Variants in THOC2 observed in about 807,000 individuals in gnomAD.
THOC2 encodes THO complex subunit 2, also known as THO complex 2.
A neutral mutation model predicts 128.4 loss-of-function variants in THOC2; 10 were observed. The ratio of observed to expected loss-of-function variants is 0.08; its 90% CI spans 0.05 to 0.13. The LOEUF is 0.13. THOC2 is among the 10% of genes least tolerant of loss of function. The pLI is 1.00. For synonymous variants in THOC2, 393 were observed against 396.9 expected (o/e 0.99, Z 0.12); for missense variants, 535 against 1,155.7 (o/e 0.46, Z 7.79).
chrX:123,672,655 T>C (rs1315172021), intron 8 of THOC2, among the ~76,000 whole-genome samples: 1 of 111,955 alleles, frequency 8.9e-6, no homozygotes, highest in Non-Finnish European at 1.9e-5. Flanking sequence ...TAAATCGATG[T>C]TTTAAAGTAC....
At chrX:123,617,920 A>G (rs1186316094) in intron 33 of THOC2, among the ~76,000 whole-genome samples, 1 of 112,026 alleles carries the variant, frequency 8.9e-6, no homozygotes, top group African/African-American at 3.2e-5. Context: ...GTTAGCCAAT[A>G]AAAAGTTTAC....
intron 1 of THOC2, among the ~76,000 whole-genome samples, chrX:123,728,724 GAAC>G (rs2052103959): frequency 9.0e-6 from 1 of 111,670 alleles, no homozygotes; most frequent in East Asian, 2.8e-4. Context: ...AGAAGAAAAA[GAAC>G]AACAATCAAA....
intron 38 of THOC2, among the ~76,000 whole-genome samples, chrX:123,605,676 T>G (rs1482504612): frequency 9.0e-6 from 1 of 111,647 alleles, no homozygotes; most frequent in African/African-American, 3.3e-5. Context: ...AATGTGAACA[T>G]TGATGAGTTC....
chrX:123,606,314 G>A lies in THOC2; in HGVS notation c.*18+4604C>T, dbSNP rs192000283. On this transcript the variant is annotated intron_variant, in intron 38 of 38. Coordinates refer to ENST00000245838, the MANE Select transcript of THOC2 (RefSeq NM_001081550.2). ...AGAAAGAAAGAAAGAAAGACAGGCCGGGCGTGGTGGCTCACACCTGTAATC... is the reference window on the plus strand; with the variant it reads ...AGAAAGAAAGAAAGAAAGACAGGCCAGGCGTGGTGGCTCACACCTGTAATC... 5.7e-3 allele frequency among the ~76,000 whole-genome samples: 624 copies of A among 109,145 alleles called. 4 individuals are homozygous for A. Among genetic ancestry groups the A allele is most frequent in the Middle Eastern group, 0.019 (4 of 209 alleles). The allele number at this position is 109,145 out of a possible 115,157, so 94.8% of individuals were successfully genotyped here.
chrX:123,619,575 T>G, intron 32 of THOC2, 139 bp from the exon 33 acceptor site: 1 of 588,913 alleles, frequency 1.7e-6, no homozygotes, highest in African/African-American at 2.3e-5. Context: ...ATTATCAATA[T>G]GAATATCAAC....
chrX:123,603,613 C>T, intron 38 of THOC2: 1 of 622,444 alleles, frequency 1.6e-6, no homozygotes. Context: ...TACTCATCTT[C>T]TGACTTAAAG....
chrX:123,705,235 T>C (rs965954509), intron 3 of THOC2, among the ~76,000 whole-genome samples: 1 of 111,690 alleles, frequency 9.0e-6, no homozygotes, highest in African/African-American at 3.2e-5. Flanking sequence ...AAGAAGAAGC[T>C]ATGTAAGAAC....
Position 123,614,059 on chromosome X carries a change from C to T in THOC2, c.4442G>A (p.Arg1481Gln). 8.3e-7 allele frequency: 1 copy of T among 1,200,130 alleles called. No homozygotes were observed. The highest frequency in any genetic ancestry group is 1.1e-6 in the Non-Finnish European group (1 of 892,292). Residue 1481 changes from arginine (R) to glutamine (Q), a missense_variant, in exon 34 of 39, where the codon CGG (arginine) becomes CAG (glutamine). Transcript: ENST00000245838. The stretch of plus-strand genomic sequence containing the variant: ...AAAAAAAATTTTACAAACCCTTTTC[C>T]GCTCTTTCCTGTCCTTTTCATCTTT... The part of the protein sequence containing the change: ...EKKDEKDRKE[R>Q]KRDHSNNDRE...
chrX:123,675,250 A>C (rs2049438471), intron 8 of THOC2, among the ~76,000 whole-genome samples: 1 of 111,182 alleles, frequency 9.0e-6, no homozygotes, highest in Admixed American at 9.6e-5. Context: ...CCTTTTCATA[A>C]TTTTTATCTC....
intron 7 of THOC2, among the ~76,000 whole-genome samples, chrX:123,690,482 T>C (rs1277670046): frequency 1.8e-5 from 2 of 111,749 alleles, no homozygotes; most frequent in Admixed American, 9.5e-5. Flanking sequence ...TTTGAAGAAA[T>C]GCAGGAAAAA....
chrX:123,726,647 G>C (rs1197187483), intron 1 of THOC2, among the ~76,000 whole-genome samples: 1 of 112,178 alleles, frequency 8.9e-6, no homozygotes, highest in African/African-American at 3.2e-5. Context: ...GGAAGAGGTT[G>C]CATCAGTGTT....
At chrX:123,661,265 C>T (rs1342925866) in intron 12 of THOC2, among the ~76,000 whole-genome samples, 1 of 110,948 alleles carries the variant, frequency 9.0e-6, no homozygotes, top group Non-Finnish European at 1.9e-5. Context: ...ATCAGTTGGG[C>T]GTGGTGGCGG....
chrX:123,662,598 A>C (rs1316991072), intron 12 of THOC2, among the ~76,000 whole-genome samples: 5 of 109,730 alleles, frequency 4.6e-5, no homozygotes, highest in African/African-American at 1.6e-4. Context: ...AAAAAAAAAA[A>C]AAAAAAAAAA....
intron 15 of THOC2, among the ~76,000 whole-genome samples, chrX:123,644,289 A>G (rs2048039992): frequency 8.9e-6 from 1 of 112,045 alleles, no homozygotes; most frequent in Non-Finnish European, 1.9e-5. Context: ...TGTCCTTAAA[A>G]AGAAAAAACA....
intron 12 of THOC2, among the ~76,000 whole-genome samples, chrX:123,658,667 A>C (rs1407030134): frequency 8.9e-6 from 1 of 112,607 alleles, no homozygotes; most frequent in Non-Finnish European, 1.9e-5. Flanking sequence ...GCAGACAATG[A>C]AAAGCTCAGT....
chrX:123,660,353 T>C (rs769357480), intron 12 of THOC2, among the ~76,000 whole-genome samples: 36 of 111,782 alleles, frequency 3.2e-4, no homozygotes, highest in Non-Finnish European at 5.5e-4. Flanking sequence ...AACCAAAGAA[T>C]TTCAGAACAA....
At chrX:123,644,503 A>C (rs2048049387) in intron 15 of THOC2, 72 bp downstream of exon 15, 227 of 801,579 alleles carry the variant, frequency 2.8e-4, no homozygotes, top group Middle Eastern at 4.6e-4. Context: ...AGGCTCAGAC[A>C]AGCTACCTGA....
At position 123,610,583 on chromosome X, in the gene THOC2, A is replaced by G. The variant is rs1216727725; in HGVS notation, c.*18+335T>C. 2.7e-5 allele frequency among the ~76,000 whole-genome samples: 3 copies of G among 111,893 alleles called. No homozygotes were observed. In the South Asian group the frequency reaches 1.1e-3, roughly 42 times the overall value. On this transcript the variant is annotated intron_variant, in intron 38 of 38. Transcript: ENST00000245838. ...GTTTCTTCACTTATAAAATGCAGAT[A>G]CCACTACCACCATTTACAAGGCAAT...
intron 22 of THOC2, among the ~76,000 whole-genome samples, chrX:123,631,319 C>T (rs1050778110): frequency 2.7e-5 from 3 of 112,190 alleles, no homozygotes; most frequent in African/African-American, 9.7e-5. Context: ...AGCAGCCTAA[C>T]ACCACTCCCT....
Sources: allele counts gnomAD v4.1 joint callset (sites outside exome capture counted in the v4.1 genomes callset), GRCh38; gene constraint gnomAD v4.1.1; transcripts MANE v1.5; gene names NCBI Gene and HGNC (gene_info 2026-07-23, HGNC 2026-07-21).